The following PLEKHG4B variants were observed in gnomAD, a reference collection of about 807,000 sequenced individuals.
PLEKHG4B encodes the protein pleckstrin homology and RhoGEF domain containing G4B.
PLEKHG4B carries 111 observed loss-of-function variants against 121.3 expected under a neutral mutation model. The observed-to-expected ratio is 0.92, with a 90% CI of 0.78 to 1.07. PLEKHG4B has a LOEUF of 1.07. Ranked by LOEUF, PLEKHG4B falls within the 50% of genes least tolerant of loss-of-function variation. The pLI is 0.00. For missense variants in PLEKHG4B, 1,831 were observed against 1,757.8 expected, an observed-to-expected ratio of 1.04 and a Z score of -0.74; for synonymous variants, 738 against 725.0, an observed-to-expected ratio of 1.02 and a Z score of -0.29.
At position 113,556 on chromosome 5, in the gene PLEKHG4B, C is replaced by A; in HGVS notation, c.243+108C>A. On this transcript the variant is annotated intron_variant, in intron 2 of 19. Coordinates refer to ENST00000637938, the MANE Select transcript of PLEKHG4B (RefSeq NM_052909.5). This position sits in a 1 kb window ranked among gnomAD's most constrained non-coding sequence, Gnocchi z 5.2. Reference sequence around the variant, plus strand: ...CATCAGGGCACTGGCTCAGTTCTTTCCTCTGGCTTCTGGCTCCTCCCACCC... The same window carrying A: ...CATCAGGGCACTGGCTCAGTTCTTTACTCTGGCTTCTGGCTCCTCCCACCC... The A allele has an allele frequency of 2.5e-6, 1 of 398,154 alleles. No homozygotes were observed. Among genetic ancestry groups the A allele is most frequent in the Non-Finnish European group, 4.4e-6 (1 of 226,144 alleles). The allele number at this position is 398,154 out of a possible 1,614,324, so 24.7% of individuals were successfully genotyped here.
chr5:94,679 G>A (rs1733579732), intron 1 of PLEKHG4B, among the ~76,000 whole-genome samples: 1 of 151,830 alleles, frequency 6.6e-6, no homozygotes, highest in South Asian at 2.1e-4. Flanking sequence ...TAAGCAGAAG[G>A]CACCCAACAT....
At position 155,956 on chromosome 5, in the gene PLEKHG4B, C is replaced by T. The variant is rs77736884; in HGVS notation, c.2209-115C>T. On this transcript the variant is annotated intron_variant, in intron 9 of 19. Transcript: ENST00000637938. ...GCTTGAGGAGTGGGCACTGTCATGC[C>T]GCCAGGCCTGCAGCTTGATTTATGG... The T allele has an allele frequency of 2.3e-4, 257 of 1,128,396 alleles. 1 individual carries two copies. In the East Asian group the frequency reaches 5.6e-3, roughly 24 times the overall value. 69.9% of individuals were successfully genotyped at this position (1,128,396 alleles called of 1,614,324 possible). A position where few individuals can be genotyped will look rare whatever the true frequency, so the allele number is the denominator to read the frequency against.
chr5:161,532 G>C (rs1280648843), intron 11 of PLEKHG4B, among the ~76,000 whole-genome samples: 1 of 152,174 alleles, frequency 6.6e-6, no homozygotes. Flanking sequence ...CTAAATCCTA[G>C]AGTGTGACTT....
At chr5:132,799 T>A (rs187231330) in intron 2 of PLEKHG4B, among the ~76,000 whole-genome samples, 1 of 152,222 alleles carries the variant, frequency 6.6e-6, no homozygotes, top group Non-Finnish European at 1.5e-5. Flanking sequence ...ACTCTGGCCT[T>A]ATAGTATAGT....
At chr5:136,892 T>C (rs1735000264) in intron 2 of PLEKHG4B, among the ~76,000 whole-genome samples, 1 of 152,184 alleles carries the variant, frequency 6.6e-6, no homozygotes, top group Middle Eastern at 3.2e-3. Flanking sequence ...GGGATTTAAA[T>C]AGATATTTGT....
intron 2 of PLEKHG4B, among the ~76,000 whole-genome samples, chr5:118,209 C>G (rs1734359298): frequency 1.3e-5 from 2 of 152,086 alleles, no homozygotes; most frequent in Non-Finnish European, 1.5e-5. Flanking sequence ...ATCTGTGAAC[C>G]CCTAACAACA....
chr5:172,589 TG>T (rs1372451961), intron 16 of PLEKHG4B, among the ~76,000 whole-genome samples: 4 of 152,110 alleles, frequency 2.6e-5, no homozygotes, highest in South Asian at 4.1e-4. Flanking sequence ...GGGGCCGGGG[TG>T]GGGGTGTGGG....
At chr5:105,476 CA>C (rs1733950544) in intron 1 of PLEKHG4B, among the ~76,000 whole-genome samples, 1 of 152,208 alleles carries the variant, frequency 6.6e-6, no homozygotes, top group Non-Finnish European at 1.5e-5. Context: ...AAATTAGTTT[CA>C]ATCATCTTGT....
In PLEKHG4B at chr5:171,323, C is replaced by G. The variant is rs1736543585; in HGVS notation, c.3929C>G (p.Ala1310Gly). ...ALLLQDLLKE[A>G]SCGLAQGQEL... ...CTACTCCAGGACCTGCTCAAGGAGG[C>G]CAGCTGTGGCCTGGCCCAGGGGCAG... The change falls in exon 16 of 20, where the codon GCC becomes GGC. Residue 1310 changes from alanine to glycine, a missense_variant. Physicochemically the swap from Ala to Gly is moderately conservative, Grantham distance 60. Coordinates refer to ENST00000637938, the MANE Select transcript of PLEKHG4B (RefSeq NM_052909.5). The G allele has an allele frequency of 6.2e-7, 1 of 1,612,388 alleles. No homozygotes were observed. The highest frequency in any genetic ancestry group is 2.2e-5 in the East Asian group (1 of 44,866).
chr5:157,106 C>T lies in PLEKHG4B; in HGVS notation c.2487+195C>T. Reference sequence around the variant, plus strand: ...AATTTTATTTTTTACGTGAGAGATACTGGATCAGTGGAGAAAAAAAATTTG... The same window carrying T: ...AATTTTATTTTTTACGTGAGAGATATTGGATCAGTGGAGAAAAAAAATTTG... On this transcript the variant is annotated intron_variant, in intron 11 of 19. Coordinates refer to ENST00000637938, the MANE Select transcript of PLEKHG4B (RefSeq NM_052909.5). The surrounding 1 kb of genome is among the most constrained non-coding windows in gnomAD (Gnocchi z 4.6). The T allele has an allele frequency of 1.2e-6, 1 of 838,634 alleles. No homozygotes were observed. The highest frequency in any genetic ancestry group is 1.8e-6 in the Non-Finnish European group (1 of 543,748). The allele number at this position is 838,634 out of a possible 1,614,324, so 51.9% of individuals were successfully genotyped here. A position where few individuals can be genotyped will look rare whatever the true frequency, so the allele number is the denominator to read the frequency against.
intron 1 of PLEKHG4B, among the ~76,000 whole-genome samples, chr5:108,170 AG>A (rs921978777): frequency 2.0e-5 from 3 of 152,194 alleles, no homozygotes; most frequent in African/African-American, 7.2e-5. Flanking sequence ...GCTTTTCACC[AG>A]GACCTGGGAA....
intron 3 of PLEKHG4B, among the ~76,000 whole-genome samples, chr5:141,711 ATTT>A (rs34273619): frequency 2.4e-4 from 30 of 127,524 alleles, no homozygotes; most frequent in African/African-American, 6.4e-4. Context: ...TAAATATTTC[ATTT>A]TTTTTTTTTT....
At chr5:116,370 A>G (rs1023998647) in intron 2 of PLEKHG4B, among the ~76,000 whole-genome samples, 13 of 152,230 alleles carry the variant, frequency 8.5e-5, no homozygotes, top group African/African-American at 2.9e-4. Flanking sequence ...AACAGATATA[A>G]TAATAATGAA....
chr5:96,795 T>G (rs775906265), intron 1 of PLEKHG4B, among the ~76,000 whole-genome samples: 1 of 152,172 alleles, frequency 6.6e-6, no homozygotes, highest in Non-Finnish European at 1.5e-5. Context: ...GGAAGGGGGT[T>G]GTTTGGGAAA....
chr5:93,680 G>A (rs1277601187), intron 1 of PLEKHG4B, among the ~76,000 whole-genome samples: 1 of 152,216 alleles, frequency 6.6e-6, no homozygotes, highest in East Asian at 1.9e-4. Flanking sequence ...TGGTAGAGGG[G>A]CGCTGCTGGC....
intron 13 of PLEKHG4B, among the ~76,000 whole-genome samples, chr5:166,377 GGCTCACAGTAATCCTCTGACGGGGCGGA>G (rs1736338927): frequency 3.9e-5 from 4 of 102,860 alleles, no homozygotes; most frequent in South Asian, 3.9e-4. Context: ...GACGGGGCGG[GGCTCACAGTAATCCTCTGACGGGGCGGA>G]GCTCACACTA....
At chr5:118,315 T>C (rs1468749571) in intron 2 of PLEKHG4B, among the ~76,000 whole-genome samples, 1 of 152,136 alleles carries the variant, frequency 6.6e-6, no homozygotes, top group Non-Finnish European at 1.5e-5. Flanking sequence ...GCAGACGGGG[T>C]AAGCAGACCA....
chr5:126,986 C>A (rs1429731649), intron 2 of PLEKHG4B, among the ~76,000 whole-genome samples: 1 of 152,124 alleles, frequency 6.6e-6, no homozygotes, highest in Non-Finnish European at 1.5e-5. Flanking sequence ...GGAAGCTGGC[C>A]ACCCCACCCT....
Position 156,742 on chromosome 5 carries a change from G to A in PLEKHG4B, c.2349-31G>A. 6.5e-7 allele frequency: 1 copy of A among 1,534,452 alleles called. No individual in the cohort carries two copies. Among genetic ancestry groups the A allele is most frequent in the Non-Finnish European group, 8.8e-7 (1 of 1,136,078 alleles). ...GAGCAGATTCCTCAAGGGGCCGCCT[G>A]GAAGCCTGAGGACTGCCTTCTCTTC... On this transcript the variant is annotated intron_variant, in intron 10 of 19. Transcript: ENST00000637938. This position sits in a 1 kb window ranked among gnomAD's most constrained non-coding sequence, Gnocchi z 4.4.
Sources: allele counts gnomAD v4.1 joint callset (sites outside exome capture counted in the v4.1 genomes callset), GRCh38; gene constraint gnomAD v4.1.1; non-coding constraint Gnocchi (gnomAD v3.1); transcripts MANE v1.5; gene names NCBI Gene and HGNC (gene_info 2026-07-23, HGNC 2026-07-21).